ADAMTS12: variants seen among roughly 807,000 people sequenced by gnomAD.
ADAMTS12 encodes the protein ADAM metallopeptidase with thrombospondin type 1 motif 12, also known as A disintegrin and metalloproteinase with thrombospondin motifs 12.
Under a neutral mutation model 167.8 loss-of-function variants are expected in ADAMTS12, and 118 were observed. That is an observed-to-expected ratio of 0.70 (90% confidence interval 0.61 to 0.82). The LOEUF (loss-of-function observed/expected upper bound fraction) is 0.82, where lower values mean the gene tolerates loss of function less well. Among genes scored for constraint, ADAMTS12 ranks in the 40% least tolerant of loss-of-function variants. The pLI is 0.00. For synonymous variants in ADAMTS12, 704 were observed against 716.9 expected (o/e 0.98, Z 0.29); for missense variants, 1,916 against 1,998.8 (o/e 0.96, Z 0.79).
chr5:33,594,811 T>C (rs12188767), intron 17 of ADAMTS12, among the ~76,000 whole-genome samples: 37,906 of 152,084 alleles, frequency 0.25, 5,346 homozygotes, highest in East Asian at 0.6. Flanking sequence ...GTCCTGCCTG[T>C]TTGGACTGCT....
At chr5:33,724,972 C>T (rs1377347466) in intron 3 of ADAMTS12, among the ~76,000 whole-genome samples, 1 of 152,188 alleles carries the variant, frequency 6.6e-6, no homozygotes, top group Non-Finnish European at 1.5e-5. Context: ...CCTTATAAGA[C>T]CTGTCTTGAA....
intron 9 of ADAMTS12, among the ~76,000 whole-genome samples, chr5:33,645,047 T>C (rs943335140): frequency 6.6e-6 from 1 of 152,070 alleles, no homozygotes; most frequent in African/African-American, 2.4e-5. Context: ...GCTTTATCTA[T>C]TGGAGTTTCA....
intron 20 of ADAMTS12, among the ~76,000 whole-genome samples, chr5:33,556,693 AAGAG>A (rs1272807390): frequency 6.6e-6 from 1 of 152,162 alleles, no homozygotes; most frequent in African/African-American, 2.4e-5. Flanking sequence ...CACCAAGAGA[AAGAG>A]AGAGAGCCAA....
intron 11 of ADAMTS12, among the ~76,000 whole-genome samples, chr5:33,641,402 T>C (rs896978539): frequency 2.6e-5 from 4 of 152,226 alleles, no homozygotes; most frequent in African/African-American, 9.6e-5. Flanking sequence ...AAATTGTGTA[T>C]TCATTATCAT....
At chr5:33,781,573 C>A (rs1746129242) in intron 2 of ADAMTS12, among the ~76,000 whole-genome samples, 1 of 152,146 alleles carries the variant, frequency 6.6e-6, no homozygotes. Flanking sequence ...GCAGCAGCTG[C>A]ATATCAGATA....
chr5:33,803,015 C>T (rs1442026563), intron 2 of ADAMTS12, among the ~76,000 whole-genome samples: 1 of 152,090 alleles, frequency 6.6e-6, no homozygotes, highest in East Asian at 1.9e-4. Flanking sequence ...CCATAATCAG[C>T]AAGTGTCACT....
chr5:33,771,480 G>A (rs1471481719), intron 2 of ADAMTS12, among the ~76,000 whole-genome samples: 1 of 152,122 alleles, frequency 6.6e-6, no homozygotes, highest in Non-Finnish European at 1.5e-5. Context: ...CCCACTCTGA[G>A]TGAGGTTTTT....
intron 9 of ADAMTS12, 33 bp downstream of exon 9, chr5:33,648,789 G>A (rs1740771434): frequency 1.9e-6 from 3 of 1,611,690 alleles, no homozygotes; most frequent in South Asian, 1.1e-5. Flanking sequence ...GAGATCTGAA[G>A]CCCTGCATAT....
At chr5:33,674,202 AG>A (rs931460940) in intron 5 of ADAMTS12, among the ~76,000 whole-genome samples, 2 of 152,198 alleles carry the variant, frequency 1.3e-5, no homozygotes, top group African/African-American at 4.8e-5. Context: ...GGCCAGAAAA[AG>A]TGAAGACTAG....
chr5:33,639,023 G>A (rs537545123), intron 11 of ADAMTS12, among the ~76,000 whole-genome samples: 9 of 152,060 alleles, frequency 5.9e-5, no homozygotes, highest in South Asian at 2.1e-4. Flanking sequence ...CCTGGAGTTC[G>A]AATTTGGTAT....
At chr5:33,566,319 A>T (rs1323947153) in intron 19 of ADAMTS12, among the ~76,000 whole-genome samples, 1 of 152,166 alleles carries the variant, frequency 6.6e-6, no homozygotes, top group African/African-American at 2.4e-5. Flanking sequence ...TAAAAAAATT[A>T]TCTAGGTGCA....
intron 14 of ADAMTS12, among the ~76,000 whole-genome samples, chr5:33,616,702 TC>T (rs1218063469): frequency 1.3e-5 from 2 of 152,230 alleles, no homozygotes; most frequent in Non-Finnish European, 2.9e-5. Flanking sequence ...TCTCATTTTT[TC>T]TTTTATATAT....
At position 33,884,844 on chromosome 5, in the gene ADAMTS12, T is replaced by C. The variant is rs532251466; in HGVS notation, c.128-3364A>G. Among the ~76,000 whole-genome samples the C allele has an allele frequency of 2.0e-5, 3 of 152,358 alleles. No individual in the cohort carries two copies. In the South Asian group the frequency reaches 6.2e-4, roughly 32 times the overall value. On this transcript the variant is annotated intron_variant, in intron 1 of 23. Transcript: ENST00000504830. ...TTGAATACCCTGTTATACATGCAAGTTTCTGCATCTCCATCAAAACAGAAA... is the reference window on the plus strand; with the variant it reads ...TTGAATACCCTGTTATACATGCAAGCTTCTGCATCTCCATCAAAACAGAAA...
intron 18 of ADAMTS12, among the ~76,000 whole-genome samples, chr5:33,578,479 A>C (rs1015781723): frequency 7.9e-5 from 12 of 152,196 alleles, no homozygotes; most frequent in African/African-American, 2.7e-4. Context: ...CTTTTGATTT[A>C]TTAAAAGCTA....
chr5:33,849,531 T>G (rs569920911), intron 2 of ADAMTS12, among the ~76,000 whole-genome samples: 3 of 143,848 alleles, frequency 2.1e-5, no homozygotes, highest in Non-Finnish European at 4.5e-5. Flanking sequence ...ATGTATTGCA[T>G]AGCAATATAT....
At chr5:33,846,867 C>T (rs932797326) in intron 2 of ADAMTS12, among the ~76,000 whole-genome samples, 2 of 152,202 alleles carry the variant, frequency 1.3e-5, no homozygotes, top group African/African-American at 2.4e-5. Context: ...CACCAATTAG[C>T]TCATTTGATG....
At chr5:33,798,824 G>A (rs1746879536) in intron 2 of ADAMTS12, among the ~76,000 whole-genome samples, 1 of 152,098 alleles carries the variant, frequency 6.6e-6, no homozygotes, top group South Asian at 2.1e-4. Flanking sequence ...TAAAGGCTCT[G>A]TCTCCAAATA....
chr5:33,670,683 G>A (rs12187852), intron 5 of ADAMTS12, among the ~76,000 whole-genome samples: 144,949 of 152,114 alleles, frequency 0.95, 69,452 homozygotes, highest in Non-Finnish European at 1. Flanking sequence ...CAGAGGTTGC[G>A]GTGGGCCGAG....
intron 1 of ADAMTS12, among the ~76,000 whole-genome samples, chr5:33,885,490 TA>T (rs34857329): frequency 0.016 from 2,466 of 151,522 alleles, 75 homozygotes; most frequent in African/African-American, 0.057. Context: ...TAAAAAATAA[TA>T]AAAAAAAATT....
Sources: allele counts gnomAD v4.1 joint callset (sites outside exome capture counted in the v4.1 genomes callset), GRCh38; gene constraint gnomAD v4.1.1; transcripts MANE v1.5; gene names NCBI Gene and HGNC (gene_info 2026-07-23, HGNC 2026-07-21).